Variants in NRSN1 observed in about 807,000 individuals in gnomAD.
NRSN1 encodes the protein neurensin-1.
A neutral mutation model predicts 17.3 loss-of-function variants in NRSN1; 14 were observed. The ratio of observed to expected loss-of-function variants is 0.81; its 90% CI spans 0.54 to 1.27. NRSN1 has a LOEUF of 1.27. Ranked by LOEUF, NRSN1 falls within the 50% of genes most tolerant of loss-of-function variation. The probability of loss-of-function intolerance (pLI) is 0.00; values close to 1 mark genes in which losing one functional copy is unlikely to be tolerated. For synonymous variants in NRSN1, 79 were observed against 94.2 expected (o/e 0.84, Z 0.93); for missense variants, 209 against 235.9 (o/e 0.89, Z 0.75).
rs866894024 is a variant in NRSN1, at chr6:24,145,888, C to T, written c.530C>T (p.Thr177Ile). ...ACAAAAGCTCCAGGGCCAGGGGAAA[C>T]AAAGATTCCAGTCACTTTGTCCAGG... ...PVTKAPGPGE[T>I]KIPVTLSRVQ... The change falls in exon 4 of 4, where the codon ACA becomes ATA. Residue 177 changes from threonine (T) to isoleucine (I), a missense_variant. Coordinates refer to ENST00000378491, the MANE Select transcript of NRSN1 (RefSeq NM_080723.5). This position sits in a 1 kb window ranked among gnomAD's most constrained non-coding sequence, Gnocchi z 4.4. 6.2e-7 allele frequency: 1 copy of T among 1,613,996 alleles called. No homozygotes were observed. Among genetic ancestry groups the T allele is most frequent in the African/African-American group, 1.3e-5 (1 of 75,022 alleles).
intron 3 of NRSN1, among the ~76,000 whole-genome samples, chr6:24,137,618 G>A (rs552174356): frequency 4.1e-4 from 63 of 151,988 alleles, no homozygotes; most frequent in African/African-American, 1.3e-3. Context: ...TGCCATGTTG[G>A]TGTGCTGCAC....
intron 3 of NRSN1, chr6:24,141,290 T>C: frequency 2.4e-6 from 3 of 1,229,004 alleles, no homozygotes; most frequent in Non-Finnish European, 2.0e-6. Context: ...TGATACTGTA[T>C]GGAATTGCTC....
At chr6:24,135,730 A>C (rs548583390) in intron 3 of NRSN1, among the ~76,000 whole-genome samples, 2 of 152,252 alleles carry the variant, frequency 1.3e-5, no homozygotes, top group South Asian at 4.1e-4. Context: ...ACGGCTCATA[A>C]ATTGGGAGTT....
At position 24,145,578 on chromosome 6, in the gene NRSN1, A is replaced by G. The variant is rs746258444; in HGVS notation, c.220A>G (p.Ile74Val). The G allele has an allele frequency of 6.2e-6, 10 of 1,600,750 alleles. No individual in the cohort carries two copies. The African/African-American group carries it at 1.1e-4, about 17-fold the overall frequency. The change falls in exon 4 of 4, where the codon ATC becomes GTC. Residue 74 changes from isoleucine (I) to valine (V), a missense_variant. By Grantham distance (29) the Ile-to-Val change is conservative. Transcript: ENST00000378491. This position sits in a 1 kb window ranked among gnomAD's most constrained non-coding sequence, Gnocchi z 4.4. ...VGLISGTVFV[I>V]LGLTVLAVGF... Reference sequence around the variant, plus strand: ...ACTCATCTCAGGTACAGTTTTTGTGATCCTCGGATTGACTGTTCTGGCAGT... The same window carrying G: ...ACTCATCTCAGGTACAGTTTTTGTGGTCCTCGGATTGACTGTTCTGGCAGT...
intron 2 of NRSN1, among the ~76,000 whole-genome samples, chr6:24,130,401 T>C (rs1760009730): frequency 6.6e-6 from 1 of 152,192 alleles, no homozygotes; most frequent in African/African-American, 2.4e-5. Context: ...TCCAAATAAC[T>C]GTAACATGGG....
intron 3 of NRSN1, among the ~76,000 whole-genome samples, chr6:24,138,169 AAC>A (rs148435866): frequency 6.6e-6 from 1 of 151,940 alleles, no homozygotes; most frequent in Non-Finnish European, 1.5e-5. Flanking sequence ...ATCAGGTATA[AAC>A]ACACACACAC....
At chr6:24,138,810 A>G (rs1029685508) in intron 3 of NRSN1, among the ~76,000 whole-genome samples, 2 of 152,188 alleles carry the variant, frequency 1.3e-5, no homozygotes, top group Non-Finnish European at 2.9e-5. Flanking sequence ...AGTTAGTTTT[A>G]TACTAGAGAT....
At chr6:24,144,919 A>G (rs1459149248) in intron 3 of NRSN1, among the ~76,000 whole-genome samples, 2 of 151,430 alleles carry the variant, frequency 1.3e-5, no homozygotes, top group Non-Finnish European at 2.9e-5. Context: ...TTTCCTCAAG[A>G]CCAAATGAGA....
intron 3 of NRSN1, among the ~76,000 whole-genome samples, chr6:24,138,823 G>A (rs1328638948): frequency 2.0e-5 from 3 of 152,206 alleles, no homozygotes; most frequent in South Asian, 4.1e-4. Context: ...CTAGAGATGA[G>A]AGGAGCTGTG....
At chr6:24,139,054 G>C (rs1002530049) in intron 3 of NRSN1, among the ~76,000 whole-genome samples, 5 of 152,068 alleles carry the variant, frequency 3.3e-5, no homozygotes, top group Non-Finnish European at 7.4e-5. Flanking sequence ...TTGTACAATA[G>C]GTCTCTTGAA....
intron 2 of NRSN1, among the ~76,000 whole-genome samples, chr6:24,128,436 G>T (rs944934704): frequency 2.6e-5 from 4 of 152,112 alleles, no homozygotes; most frequent in Admixed American, 6.6e-5. Context: ...GACTTTGAAG[G>T]TATTTTAATA....
intron 2 of NRSN1, chr6:24,129,168 T>G (rs1008539060): frequency 6.6e-6 from 1 of 152,242 alleles, no homozygotes; most frequent in Non-Finnish European, 1.5e-5. Flanking sequence ...ATTCTCAGCA[T>G]TTGTACTCCC....
intron 3 of NRSN1, among the ~76,000 whole-genome samples, chr6:24,140,751 C>T (rs1485927081): frequency 6.6e-6 from 1 of 152,262 alleles, no homozygotes; most frequent in Non-Finnish European, 1.5e-5. Context: ...GCCGCGACTG[C>T]TGCCAGCTCT....
Position 24,146,086 on chromosome 6 carries a change from C to T in NRSN1, c.*140C>T, listed in dbSNP as rs961688373. 2.8e-5 allele frequency: 25 copies of T among 891,358 alleles called. No homozygotes were observed. In the African/African-American group the frequency reaches 2.9e-4, roughly 11 times the overall value. 55.2% of individuals were successfully genotyped at this position (891,358 alleles called of 1,614,324 possible). On this transcript the variant is annotated 3_prime_UTR_variant, in exon 4 of 4. Coordinates refer to ENST00000378491, the MANE Select transcript of NRSN1 (RefSeq NM_080723.5). The stretch of plus-strand genomic sequence containing the variant: ...GTGGGCAATATAATGGGTGGACTCA[C>T]ACTTGCTCAGTTCAGGCAGCTCTGC...
rs1472741442 is a variant in NRSN1, at chr6:24,140,958, A to G, written c.190-4590A>G. 2.9e-6 allele frequency: 4 copies of G among 1,372,564 alleles called. No homozygotes were observed. In the South Asian group the frequency reaches 7.9e-5, roughly 27 times the overall value. 85.0% of individuals were successfully genotyped at this position (1,372,564 alleles called of 1,614,324 possible). On this transcript the variant is annotated intron_variant, in intron 3 of 3. Coordinates refer to ENST00000378491, the MANE Select transcript of NRSN1 (RefSeq NM_080723.5). ...GGTTTTCACACATCCTCCCACAGCC[A>G]AGAGTGGAATCGGAAGTTACAGCAC...
At chr6:24,141,560 G>C (rs1311767080) in intron 3 of NRSN1, 1 of 154,350 alleles carries the variant, frequency 6.5e-6, no homozygotes, top group African/African-American at 2.4e-5. Context: ...CCACTACAGA[G>C]GGCGAGCCTC....
Position 24,146,228 on chromosome 6 carries a change from T to C in NRSN1, c.*282T>C, listed in dbSNP as rs1025443535. 1 of 643,076 alleles carries C rather than the reference T, an allele frequency of 1.6e-6. No homozygotes were observed. Among genetic ancestry groups the C allele is most frequent in the African/African-American group, 1.8e-5 (1 of 55,784 alleles). 39.8% of individuals were successfully genotyped at this position (643,076 alleles called of 1,614,324 possible). On this transcript the variant is annotated 3_prime_UTR_variant, in exon 4 of 4. Coordinates refer to ENST00000378491, the MANE Select transcript of NRSN1 (RefSeq NM_080723.5). ...AACTCCTCTTTCATAGATCGTGACT[T>C]TGTGTTATTTTCCGTGTTGTTTGAA...
At chr6:24,141,892 G>C (rs1276937080) in intron 3 of NRSN1, among the ~76,000 whole-genome samples, 1 of 152,170 alleles carries the variant, frequency 6.6e-6, no homozygotes, top group Non-Finnish European at 1.5e-5. Flanking sequence ...TTGCTCTTCA[G>C]AATCTCAGAA....
intron 3 of NRSN1, 103 bp downstream of exon 3, chr6:24,134,619 G>C (rs1287178714): frequency 2.2e-6 from 2 of 904,552 alleles, no homozygotes; most frequent in Non-Finnish European, 1.7e-6. Flanking sequence ...CGCTGTGTGT[G>C]CATCACTCTT....
Sources: gnomAD v4.1 joint callset for allele counts (sites outside exome capture counted in the v4.1 genomes callset) on GRCh38, gnomAD v4.1.1 for gene constraint, Gnocchi (gnomAD v3.1) non-coding constraint, MANE v1.5 for transcripts, NCBI Gene and HGNC (gene_info 2026-07-23, HGNC 2026-07-21) for gene names.